MBOAT1: variants seen among roughly 807,000 people sequenced by gnomAD.
The protein encoded by MBOAT1 is membrane bound glycerophospholipid O-acyltransferase 1, also known as membrane-bound glycerophospholipid O-acyltransferase 1.
Under a neutral mutation model 64.4 loss-of-function variants are expected in MBOAT1, and 67 were observed. That is an observed-to-expected ratio of 1.04 (90% CI 0.85 to 1.27). MBOAT1 has a LOEUF of 1.27. MBOAT1 is among the 50% of genes most tolerant of loss of function. The probability of loss-of-function intolerance (pLI) is 0.00; values close to 1 mark genes in which losing one functional copy is unlikely to be tolerated. For missense variants in MBOAT1, 563 were observed against 604.6 expected (o/e 0.93, Z 0.72); for synonymous variants, 229 against 218.9 (o/e 1.05, Z -0.41).
intron 5 of MBOAT1, among the ~76,000 whole-genome samples, 175 bp downstream of exon 5, chr6:20,130,969 G>C (rs1207715923): frequency 6.6e-6 from 1 of 152,196 alleles, no homozygotes; most frequent in African/African-American, 2.4e-5. Flanking sequence ...GGAAAATGGT[G>C]AATCATGGCT....
In MBOAT1 at chr6:20,124,544, C is replaced by T. The variant is rs371384023; in HGVS notation, c.771G>A (p.Thr257=). Residue 257 remains threonine, a synonymous_variant, in exon 8 of 13, where the codon ACG becomes ACA. Transcript: ENST00000324607. ...ITLVSLLLFL[T]LTKTFPVTCL... is the part of the protein sequence containing the mutation. ...AGGTGACAGGAAAGGTCTTCGTTAGCGTCAAAAACAAAAGGAGAGACACCA... is the reference window on the plus strand; with the variant it reads ...AGGTGACAGGAAAGGTCTTCGTTAGTGTCAAAAACAAAAGGAGAGACACCA... 1.2e-5 allele frequency: 19 copies of T among 1,614,174 alleles called. No individual in the cohort carries two copies. Among genetic ancestry groups the T allele is most frequent in the African/African-American group, 4.0e-5 (3 of 75,054 alleles).
chr6:20,203,631 C>T (rs570481933), intron 1 of MBOAT1, among the ~76,000 whole-genome samples: 15 of 152,114 alleles, frequency 9.9e-5, no homozygotes, highest in Non-Finnish European at 2.9e-5. Flanking sequence ...TTTGTGCTAA[C>T]CATACAAAGA....
At chr6:20,161,362 A>C (rs913175030) in intron 1 of MBOAT1, among the ~76,000 whole-genome samples, 1 of 152,002 alleles carries the variant, frequency 6.6e-6, no homozygotes, top group Non-Finnish European at 1.5e-5. Flanking sequence ...TATATATTAC[A>C]CTGTAATAAG....
intron 1 of MBOAT1, among the ~76,000 whole-genome samples, chr6:20,168,589 G>GAAGA (rs1437400755): frequency 3.1e-3 from 263 of 85,042 alleles, no homozygotes; most frequent in Non-Finnish European, 4.3e-3. Flanking sequence ...AAGAGAGAGA[G>GAAGA]GGAGAGAAAG....
chr6:20,177,304 A>G (rs904832041), intron 1 of MBOAT1, among the ~76,000 whole-genome samples: 1 of 152,190 alleles, frequency 6.6e-6, no homozygotes, highest in Non-Finnish European at 1.5e-5. Context: ...AAACCCACCA[A>G]GGTCCGCAGA....
intron 1 of MBOAT1, among the ~76,000 whole-genome samples, chr6:20,176,405 G>C (rs1267425677): frequency 6.6e-6 from 1 of 152,130 alleles, no homozygotes; most frequent in Non-Finnish European, 1.5e-5. Flanking sequence ...ATACAATACA[G>C]TGTCATGGCT....
chr6:20,182,307 C>T lies in MBOAT1; in HGVS notation c.100-29538G>A, dbSNP rs560219048. On this transcript the variant is annotated intron_variant, in intron 1 of 12. Transcript: ENST00000324607. ...TTCTACGTGTCCTTACATAGCAGAA[C>T]GGCCAAACAAGCTCCCTCCAGTCTC... Among the ~76,000 whole-genome samples the T allele has an allele frequency of 3.4e-4, 51 of 152,216 alleles. 1 individual carries two copies. In the Middle Eastern group the frequency reaches 0.01, roughly 30 times the overall value.
chr6:20,150,477 G>A (rs966919041), intron 3 of MBOAT1, among the ~76,000 whole-genome samples: 8 of 151,568 alleles, frequency 5.3e-5, no homozygotes, highest in Non-Finnish European at 1.0e-4. Context: ...GAATTTGTGT[G>A]GCTTCCTTCA....
chr6:20,115,557 G>A (rs1760294542), intron 9 of MBOAT1, among the ~76,000 whole-genome samples: 1 of 152,114 alleles, frequency 6.6e-6, no homozygotes, highest in African/African-American at 2.4e-5. Context: ...CCTGTCTTGC[G>A]AAGTCTCAAT....
chr6:20,137,422 A>G (rs918532003), intron 4 of MBOAT1, among the ~76,000 whole-genome samples: 1 of 152,216 alleles, frequency 6.6e-6, no homozygotes, highest in Non-Finnish European at 1.5e-5. Context: ...CAAACCTAAA[A>G]GGAACTAAGT....
chr6:20,198,621 TTTCTTGC>T (rs1444309116), intron 1 of MBOAT1, among the ~76,000 whole-genome samples: 13 of 152,242 alleles, frequency 8.5e-5, no homozygotes, highest in African/African-American at 3.1e-4. Context: ...TGTGACCATT[TTTCTTGC>T]TCTTTTCTAA....
intron 1 of MBOAT1, among the ~76,000 whole-genome samples, chr6:20,179,029 A>G (rs1762433361): frequency 6.6e-6 from 1 of 151,894 alleles, no homozygotes; most frequent in Non-Finnish European, 1.5e-5. Flanking sequence ...TGCTGCACAG[A>G]CCATCCTATC....
In MBOAT1 at chr6:20,099,788, C is replaced by A. The variant is rs931370836; in HGVS notation, c.*2498G>T. Among the ~76,000 whole-genome samples, 3 of 152,090 alleles carry A rather than the reference C, an allele frequency of 2.0e-5. No individual in the cohort carries two copies. Among genetic ancestry groups the A allele is most frequent in the African/African-American group, 7.2e-5 (3 of 41,412 alleles). On this transcript the variant is annotated 3_prime_UTR_variant, in exon 13 of 13. Coordinates refer to ENST00000324607, the MANE Select transcript of MBOAT1 (RefSeq NM_001080480.3). ...TATGAACTGCATCTTATATTTAGGA[C>A]AACTTGGAAATCTAAGGTAATAAAA...
intron 1 of MBOAT1, among the ~76,000 whole-genome samples, chr6:20,191,397 A>G (rs1376963045): frequency 6.6e-6 from 1 of 152,232 alleles, no homozygotes; most frequent in East Asian, 1.9e-4. Context: ...AGACAATATT[A>G]TATTGAAGGC....
At chr6:20,135,915 T>C (rs1461229451) in intron 4 of MBOAT1, among the ~76,000 whole-genome samples, 1 of 152,178 alleles carries the variant, frequency 6.6e-6, no homozygotes. Context: ...ACAACTCCAG[T>C]GGGTGCCAAG....
intron 1 of MBOAT1, among the ~76,000 whole-genome samples, chr6:20,208,896 C>T (rs748042137): frequency 6.6e-5 from 10 of 152,164 alleles, no homozygotes; most frequent in Non-Finnish European, 1.3e-4. Flanking sequence ...GACATAATGA[C>T]GTAACTGTGC....
intron 1 of MBOAT1, among the ~76,000 whole-genome samples, chr6:20,193,200 G>T (rs1414510790): frequency 6.6e-6 from 1 of 151,618 alleles, no homozygotes; most frequent in African/African-American, 2.4e-5. Context: ...TAGAGACGGG[G>T]TTTCACCGTG....
At chr6:20,182,693 CT>C (rs1762543441) in intron 1 of MBOAT1, among the ~76,000 whole-genome samples, 1 of 152,204 alleles carries the variant, frequency 6.6e-6, no homozygotes, top group Admixed American at 6.5e-5. Flanking sequence ...AGCCAAACCC[CT>C]GTGACACCGT....
chr6:20,152,545 T>C, intron 2 of MBOAT1, 79 bp downstream of exon 2: 1 of 1,418,916 alleles, frequency 7.0e-7, no homozygotes, highest in Non-Finnish European at 9.5e-7. Flanking sequence ...CATCTATTTC[T>C]GGCTTTAGTG....
Sources: gnomAD v4.1 joint callset for allele counts (sites outside exome capture counted in the v4.1 genomes callset) on GRCh38, gnomAD v4.1.1 for gene constraint, MANE v1.5 for transcripts, NCBI Gene and HGNC (gene_info 2026-07-23, HGNC 2026-07-21) for gene names.